TGFA: variants seen among roughly 807,000 people sequenced by gnomAD.
TGFA encodes the protein protransforming growth factor alpha.
A neutral mutation model predicts 21.7 loss-of-function variants in TGFA; 12 were observed. The observed-to-expected ratio is 0.55, with a 90% CI of 0.35 to 0.90. TGFA has a LOEUF of 0.90. Among genes scored for constraint, TGFA ranks in the 40% least tolerant of loss-of-function variants. TGFA has a pLI of 0.01. For synonymous variants in TGFA, 79 were observed against 88.1 expected (o/e 0.90, Z 0.58); for missense variants, 178 against 210.8 (o/e 0.84, Z 0.96).
intron 1 of TGFA, among the ~76,000 whole-genome samples, chr2:70,531,192 C>T (rs1672805259): frequency 6.6e-6 from 1 of 152,232 alleles, no homozygotes; most frequent in Non-Finnish European, 1.5e-5. Flanking sequence ...CCAAAGTTGA[C>T]AGACCTGAAC....
chr2:70,471,551 G>A (rs1347938848), intron 2 of TGFA, among the ~76,000 whole-genome samples: 1 of 152,200 alleles, frequency 6.6e-6, no homozygotes, highest in African/African-American at 2.4e-5. Flanking sequence ...AAAGGTGTTT[G>A]TCTTAGATCC....
intron 2 of TGFA, among the ~76,000 whole-genome samples, chr2:70,492,309 G>C (rs1462359298): frequency 6.6e-6 from 1 of 152,186 alleles, no homozygotes; most frequent in Non-Finnish European, 1.5e-5. Context: ...TGAAGGTGGA[G>C]CCCAGAGGAG....
chr2:70,453,292 C>T lies in TGFA; in HGVS notation c.401G>A (p.Arg134Gln), dbSNP rs372158742. Residue 134 changes from arginine (R) to glutamine (Q), a missense_variant, in exon 5 of 6, where the codon CGG (arginine) becomes CAG (glutamine). Physicochemically the swap from Arg to Gln is conservative, Grantham distance 43. Coordinates refer to ENST00000295400, the MANE Select transcript of TGFA (RefSeq NM_003236.4). Reference protein sequence around the residue: ...CQVRKHCEWCRALICRHEKPS... With the variant: ...CQVRKHCEWCQALICRHEKPS... Reference sequence around the variant, plus strand: ...CTTCTCGTGCCGGCAGATGAGGGCCCGGCACCACTCACAGTGTTTTCGGAC... The same window carrying T: ...CTTCTCGTGCCGGCAGATGAGGGCCTGGCACCACTCACAGTGTTTTCGGAC... The T allele has an allele frequency of 2.1e-5, 34 of 1,613,964 alleles. No individual in the cohort carries two copies. The highest frequency in any genetic ancestry group is 4.5e-5 in the East Asian group (2 of 44,868).
intron 1 of TGFA, among the ~76,000 whole-genome samples, chr2:70,522,411 A>G (rs1574129969): frequency 6.6e-6 from 1 of 152,020 alleles, no homozygotes; most frequent in East Asian, 1.9e-4. Context: ...GAGCACTTGA[A>G]TTTTTATTTC....
At chr2:70,526,665 TC>T (rs1672645194) in intron 1 of TGFA, among the ~76,000 whole-genome samples, 1 of 152,160 alleles carries the variant, frequency 6.6e-6, no homozygotes, top group Non-Finnish European at 1.5e-5. Flanking sequence ...ATGCAATAGC[TC>T]TGCTATGGGA....
intron 2 of TGFA, among the ~76,000 whole-genome samples, chr2:70,506,611 ACAG>A (rs1269219117): frequency 2.6e-5 from 4 of 152,196 alleles, no homozygotes; most frequent in Non-Finnish European, 5.9e-5. Flanking sequence ...AAGGGTAGTA[ACAG>A]CAGCAGCAGC....
intron 2 of TGFA, among the ~76,000 whole-genome samples, chr2:70,497,271 T>C (rs1671604180): frequency 2.0e-5 from 3 of 152,256 alleles, no homozygotes; most frequent in Non-Finnish European, 4.4e-5. Flanking sequence ...TATGTTCTTG[T>C]AGCTGTTGAT....
chr2:70,456,762 G>A, intron 3 of TGFA, among the ~76,000 whole-genome samples: 1 of 152,236 alleles, frequency 6.6e-6, no homozygotes, highest in East Asian at 1.9e-4. Context: ...TATTGTGACT[G>A]TGCCAAATCC....
chr2:70,456,379 C>T lies in TGFA; in HGVS notation c.325G>A (p.Val109Met), dbSNP rs11466259. The T allele has an allele frequency of 2.1e-3, 3,265 of 1,572,908 alleles. 62 individuals carry two copies. The African/African-American group carries it at 0.038, about 18-fold the overall frequency. The stretch of plus-strand genomic sequence containing the variant: ...GTGATGATAAGGACAGCCAGGGCCA[C>T]GATGGAGACCACCACCAAGGCGGTG... ...AITALVVVSI[V>M]ALAVLIITCV... Residue 109 changes from valine (V) to methionine (M), a missense_variant, in exon 4 of 6, where the codon GTG becomes ATG. By Grantham distance (21) the Val-to-Met change is conservative. Transcript: ENST00000295400.
intron 2 of TGFA, among the ~76,000 whole-genome samples, chr2:70,500,692 C>G (rs148847148): frequency 1.1e-3 from 174 of 152,298 alleles, no homozygotes; most frequent in African/African-American, 3.9e-3. Context: ...TCTGGTGCTA[C>G]CTCCACTGTA....
intron 1 of TGFA, chr2:70,553,424 C>T: frequency 7.0e-7 from 1 of 1,428,760 alleles, no homozygotes; most frequent in Non-Finnish European, 9.1e-7. Flanking sequence ...TGTGTCTGAG[C>T]AGACACACAG....
At chr2:70,480,192 C>A (rs1671069595) in intron 2 of TGFA, among the ~76,000 whole-genome samples, 1 of 152,234 alleles carries the variant, frequency 6.6e-6, no homozygotes. Context: ...GTTTTCCAGA[C>A]ATTCATGCCA....
At chr2:70,461,616 G>C (rs1670407618) in intron 3 of TGFA, 1 of 152,228 alleles carries the variant, frequency 6.6e-6, no homozygotes, top group South Asian at 2.1e-4. Context: ...GTTGCCAGGG[G>C]TAAACTTGTC....
intron 1 of TGFA, among the ~76,000 whole-genome samples, chr2:70,527,088 G>C: frequency 6.6e-6 from 1 of 152,204 alleles, no homozygotes; most frequent in Admixed American, 6.5e-5. Flanking sequence ...TCCAGCAATA[G>C]TGCTCCTTGG....
Position 70,467,460 on chromosome 2 carries a change from T to G in TGFA, c.95-1724A>C, listed in dbSNP as rs1670603698. On this transcript the variant is annotated intron_variant, in intron 2 of 5. Transcript: ENST00000295400. Reference sequence around the variant, plus strand: ...GCCAGCCAATTCAGGAGCACCGTCATGCACAACAGACCTGCTGACCAGGCA... The same window carrying G: ...GCCAGCCAATTCAGGAGCACCGTCAGGCACAACAGACCTGCTGACCAGGCA... The G allele has an allele frequency of 2.0e-5, 3 of 152,212 alleles. 1 individual carries two copies. The highest frequency in any genetic ancestry group is 4.1e-4 in the South Asian group (2 of 4,830). 9.4% of individuals were successfully genotyped at this position (152,212 alleles called of 1,614,324 possible). A position where few individuals can be genotyped will look rare whatever the true frequency, so the allele number is the denominator to read the frequency against.
intron 2 of TGFA, among the ~76,000 whole-genome samples, chr2:70,503,178 T>C (rs1671789004): frequency 1.3e-5 from 2 of 152,150 alleles, no homozygotes; most frequent in Non-Finnish European, 2.9e-5. Flanking sequence ...CCAACCCAAA[T>C]GTCCAACAAT....
intron 1 of TGFA, among the ~76,000 whole-genome samples, chr2:70,542,446 G>A (rs1409626238): frequency 6.6e-6 from 1 of 152,058 alleles, no homozygotes; most frequent in South Asian, 2.1e-4. Context: ...AAGCCCCTAA[G>A]GAACCCAAGC....
chr2:70,459,965 G>A (rs564547003), intron 3 of TGFA, among the ~76,000 whole-genome samples: 3 of 152,290 alleles, frequency 2.0e-5, no homozygotes, highest in East Asian at 1.9e-4. Flanking sequence ...AGAACAGTGC[G>A]TCTTAGCCCC....
intron 1 of TGFA, 36 bp downstream of exon 1, chr2:70,553,692 G>A: frequency 7.5e-7 from 1 of 1,336,016 alleles, no homozygotes; most frequent in Non-Finnish European, 9.6e-7. Context: ...GCAGGGTGTC[G>A]CGCGGCGCAG....
Sources: allele counts gnomAD v4.1 joint callset (sites outside exome capture counted in the v4.1 genomes callset), GRCh38; gene constraint gnomAD v4.1.1; transcripts MANE v1.5; gene names NCBI Gene and HGNC (gene_info 2026-07-23, HGNC 2026-07-21).